SNX18: variants seen among roughly 807,000 people sequenced by gnomAD.
SNX18 encodes the protein sorting nexin-18.
A neutral mutation model predicts 48.7 loss-of-function variants in SNX18; 35 were observed. The ratio of observed to expected loss-of-function variants is 0.72; its 90% CI spans 0.55 to 0.95. The LOEUF is 0.95. Ranked by LOEUF, SNX18 falls within the 40% of genes least tolerant of loss-of-function variation. The pLI is 0.00. For synonymous variants in SNX18, 492 were observed against 384.7 expected, an observed-to-expected ratio of 1.28 and a Z score of -3.26; for missense variants, 824 against 871.0, an observed-to-expected ratio of 0.95 and a Z score of 0.68.
the SNX18 span, among the ~76,000 whole-genome samples, chr5:54,560,006 G>C: frequency 6.6e-6 from 1 of 152,052 alleles, no homozygotes; most frequent in Non-Finnish European, 1.5e-5. Context: ...ACCACAATGA[G>C]AACTAATTTA....
At chr5:54,607,454 T>C in the SNX18 span, among the ~76,000 whole-genome samples, 2 of 152,224 alleles carry the variant, frequency 1.3e-5, no homozygotes, top group South Asian at 2.1e-4. Context: ...GTGTCATCAT[T>C]TGAACCATAG....
chr5:54,554,430 G>A, the SNX18 span, among the ~76,000 whole-genome samples: 1 of 152,292 alleles, frequency 6.6e-6, no homozygotes, highest in East Asian at 1.9e-4. Flanking sequence ...GACATAAACA[G>A]GGCCTAGCTC....
At chr5:54,557,860 GGACGC>G in the SNX18 span, among the ~76,000 whole-genome samples, 1 of 152,054 alleles carries the variant, frequency 6.6e-6, no homozygotes, top group Non-Finnish European at 1.5e-5. Flanking sequence ...CAACTGTGTT[GGACGC>G]TCCCATGTAT....
intron 1 of SNX18, among the ~76,000 whole-genome samples, chr5:54,532,848 T>C (rs1048254505): frequency 6.6e-6 from 1 of 152,160 alleles, no homozygotes; most frequent in Admixed American, 6.5e-5. Flanking sequence ...TGGAATGAGG[T>C]AAACTGTATG....
chr5:54,600,021 A>G, the SNX18 span, among the ~76,000 whole-genome samples: 6 of 152,356 alleles, frequency 3.9e-5, no homozygotes, highest in South Asian at 1.2e-3. Flanking sequence ...CTGCACAGTA[A>G]AAGAAACTCA....
intron 1 of SNX18, chr5:54,519,985 G>A: frequency 1.5e-6 from 1 of 648,282 alleles, no homozygotes; most frequent in Non-Finnish European, 2.7e-6. Flanking sequence ...GGAAATAATG[G>A]AGAAGAACGG....
chr5:54,565,265 C>T, the SNX18 span, among the ~76,000 whole-genome samples: 6 of 152,246 alleles, frequency 3.9e-5, no homozygotes, highest in Non-Finnish European at 8.8e-5. Context: ...CTGCCTCCCA[C>T]TCACAGTAAT....
At chr5:54,594,934 T>A in the SNX18 span, among the ~76,000 whole-genome samples, 1 of 152,322 alleles carries the variant, frequency 6.6e-6, no homozygotes, top group East Asian at 1.9e-4. Flanking sequence ...TATTTGGTTT[T>A]CTTTTCCTGC....
intron 1 of SNX18, among the ~76,000 whole-genome samples, chr5:54,530,744 ATTTTTTTTTTTTTT>A (rs70986692): frequency 1.4e-5 from 1 of 72,520 alleles, no homozygotes; most frequent in African/African-American, 6.0e-5. Context: ...AACCACAGAA[ATTTTTTTTTTTTTT>A]TTTTTTTTTT....
chr5:54,646,434 T>C, the SNX18 span, among the ~76,000 whole-genome samples: 8 of 152,248 alleles, frequency 5.3e-5, no homozygotes, highest in Non-Finnish European at 8.8e-5. Flanking sequence ...CTCTAGCCAG[T>C]GCCTGGATCC....
At chr5:54,630,998 C>T in the SNX18 span, among the ~76,000 whole-genome samples, 1 of 152,230 alleles carries the variant, frequency 6.6e-6, no homozygotes, top group South Asian at 2.1e-4. Flanking sequence ...ACTGAACTTG[C>T]GTCACCTACA....
chr5:54,599,100 G>T, the SNX18 span, among the ~76,000 whole-genome samples: 1 of 152,138 alleles, frequency 6.6e-6, no homozygotes, highest in Non-Finnish European at 1.5e-5. Flanking sequence ...GGCAAGCAGA[G>T]AGCCAAATTG....
intron 1 of SNX18, among the ~76,000 whole-genome samples, chr5:54,541,004 A>T (rs1481029190): frequency 6.6e-6 from 1 of 151,420 alleles, no homozygotes; most frequent in Non-Finnish European, 1.5e-5. Flanking sequence ...TACCTGTTAC[A>T]CTTTCCTGGT....
chr5:54,557,012 G>A, the SNX18 span, among the ~76,000 whole-genome samples: 57 of 152,224 alleles, frequency 3.7e-4, no homozygotes, highest in Middle Eastern at 0.017. Context: ...ACTGTGTTTT[G>A]CTTAGGTTAA....
At chr5:54,637,268 C>T in the SNX18 span, among the ~76,000 whole-genome samples, 1 of 152,308 alleles carries the variant, frequency 6.6e-6, no homozygotes, top group South Asian at 2.1e-4. Flanking sequence ...CACAGAACTA[C>T]TTCCAAATAT....
At chr5:54,542,582 C>T (rs1762491704) in intron 1 of SNX18, among the ~76,000 whole-genome samples, 1 of 152,196 alleles carries the variant, frequency 6.6e-6, no homozygotes, top group Admixed American at 6.5e-5. Context: ...TGGGCTAGGC[C>T]AGCCCTCATG....
At chr5:54,579,668 G>A in the SNX18 span, among the ~76,000 whole-genome samples, 1 of 152,148 alleles carries the variant, frequency 6.6e-6, no homozygotes, top group Non-Finnish European at 1.5e-5. Context: ...ACACATGTGA[G>A]GCTTTTAGGA....
chr5:54,610,424 T>A, the SNX18 span, among the ~76,000 whole-genome samples: 1 of 152,182 alleles, frequency 6.6e-6, no homozygotes, highest in East Asian at 1.9e-4. Flanking sequence ...TTTCTGTAAC[T>A]ATGGTGAGAC....
intron 1 of SNX18, among the ~76,000 whole-genome samples, chr5:54,529,627 C>T (rs1762216143): frequency 6.6e-6 from 1 of 150,730 alleles, no homozygotes. Context: ...TTATATATGT[C>T]CTTTTTTTTT....
Sources: gnomAD v4.1 joint callset for allele counts (sites outside exome capture counted in the v4.1 genomes callset) on GRCh38, gnomAD v4.1.1 for gene constraint, MANE v1.5 for transcripts, NCBI Gene and HGNC (gene_info 2026-07-23, HGNC 2026-07-21) for gene names.